TEAD4: variants seen among roughly 807,000 people sequenced by gnomAD.
The protein encoded by TEAD4 is transcriptional enhancer factor TEF-3.
A neutral mutation model predicts 52.4 loss-of-function variants in TEAD4; 36 were observed. The ratio of observed to expected loss-of-function variants is 0.69; its 90% CI spans 0.53 to 0.91. The LOEUF (loss-of-function observed/expected upper bound fraction) is 0.91, where lower values mean the gene tolerates loss of function less well. TEAD4 is among the 40% of genes least tolerant of loss of function. The pLI is 0.00. For synonymous variants in TEAD4, 220 were observed against 231.0 expected, an observed-to-expected ratio of 0.95 and a Z score of 0.43; for missense variants, 508 against 583.9, an observed-to-expected ratio of 0.87 and a Z score of 1.34.
intron 10 of TEAD4, among the ~76,000 whole-genome samples, chr12:3,025,677 C>T (rs1434311451): frequency 2.6e-5 from 4 of 152,098 alleles, no homozygotes; most frequent in Admixed American, 6.6e-5. Context: ...GCTGGGATTA[C>T]AGTCGTGTGC....
intron 2 of TEAD4, among the ~76,000 whole-genome samples, chr12:2,961,735 G>A (rs990764653): frequency 6.6e-6 from 1 of 152,226 alleles, no homozygotes; most frequent in African/African-American, 2.4e-5. Context: ...CCATAGGATA[G>A]CTGTTGTATC....
chr12:2,962,472 A>G (rs938463079), intron 2 of TEAD4, among the ~76,000 whole-genome samples: 1 of 151,436 alleles, frequency 6.6e-6, no homozygotes, highest in Non-Finnish European at 1.5e-5. Flanking sequence ...AGTAGCTAGA[A>G]TTATAGGCGT....
intron 10 of TEAD4, among the ~76,000 whole-genome samples, chr12:3,027,254 C>T (rs2098272647): frequency 1.3e-5 from 2 of 152,074 alleles, no homozygotes; most frequent in Admixed American, 1.3e-4. Context: ...GCGTGAGCCA[C>T]CACACCCAGC....
At chr12:3,013,378 C>CTCCTCCCGCGCATCCTT (rs1480653415) in intron 5 of TEAD4, among the ~76,000 whole-genome samples, 7 of 151,910 alleles carry the variant, frequency 4.6e-5, no homozygotes, top group African/African-American at 1.7e-4. Flanking sequence ...CAAAGCTCCT[C>CTCCTCCCGCGCATCCTT]TCCTCCCGCG....
chr12:2,997,651 G>A (rs370359078), intron 3 of TEAD4, among the ~76,000 whole-genome samples: 3 of 152,048 alleles, frequency 2.0e-5, no homozygotes, highest in Admixed American at 1.3e-4. Context: ...GCCGGAAAAC[G>A]AAAGTGTGCA....
chr12:3,037,880 C>A (rs559933614), intron 10 of TEAD4, 88 bp from the exon 11 acceptor site: 5 of 1,486,114 alleles, frequency 3.4e-6, no homozygotes, highest in Non-Finnish European at 3.6e-6. Flanking sequence ...GCCCTAGAGC[C>A]GGGACCGGGA....
chr12:2,995,135 C>T, intron 3 of TEAD4, 143 bp downstream of exon 3: 1 of 1,119,822 alleles, frequency 8.9e-7, no homozygotes, highest in East Asian at 2.6e-5. Context: ...CCCTCCTGGG[C>T]TCCCAAGGGA....
intron 2 of TEAD4, among the ~76,000 whole-genome samples, chr12:2,979,338 A>G (rs113871163): frequency 6.6e-6 from 1 of 152,160 alleles, no homozygotes; most frequent in Non-Finnish European, 1.5e-5. Context: ...GCCTTTTGAC[A>G]TTCTGTGCTC....
intron 4 of TEAD4, 52 bp downstream of exon 4, chr12:3,011,120 T>C (rs2153956613): frequency 6.2e-7 from 1 of 1,606,082 alleles, no homozygotes; most frequent in Non-Finnish European, 8.5e-7. Flanking sequence ...CCAGCACCAG[T>C]CTGCTCCCAA....
At chr12:2,976,013 T>G (rs1319501087) in intron 2 of TEAD4, among the ~76,000 whole-genome samples, 1 of 149,786 alleles carries the variant, frequency 6.7e-6, no homozygotes, top group East Asian at 2.0e-4. Context: ...AGCTCATTTT[T>G]TTTTTTTTTT....
chr12:3,015,008 C>G (rs1317811067), intron 5 of TEAD4, among the ~76,000 whole-genome samples: 2 of 152,184 alleles, frequency 1.3e-5, no homozygotes, highest in Non-Finnish European at 2.9e-5. Context: ...TTCCAAGTGT[C>G]CTGGGAGGAG....
Position 2,987,718 on chromosome 12 carries a change from A to G in TEAD4, c.-29-7020A>G, listed in dbSNP as rs925832024. Among the ~76,000 whole-genome samples the G allele has an allele frequency of 1.5e-3, 227 of 148,944 alleles. 2 individuals are homozygous for G. Among genetic ancestry groups the G allele is most frequent in the African/African-American group, 4.8e-3 (195 of 40,780 alleles). ...ATTACAGGCCTGAGCCACCGTGCCC[A>G]GCCTGGAATCAGCTTGTTAAGCTTT... On this transcript the variant is annotated intron_variant, in intron 2 of 12. Transcript: ENST00000359864.
At chr12:2,984,282 T>C (rs189247237) in intron 2 of TEAD4, among the ~76,000 whole-genome samples, 1 of 152,198 alleles carries the variant, frequency 6.6e-6, no homozygotes, top group African/African-American at 2.4e-5. Flanking sequence ...GCATTGAAAA[T>C]TTTTAGGTAG....
rs1252243357 is a variant in TEAD4 at position 3,021,997 on chromosome 12, T to A, written c.877T>A (p.Phe293Ile). 1 of 1,613,820 alleles carries A rather than the reference T, an allele frequency of 6.2e-7. No homozygotes were observed. The highest frequency in any genetic ancestry group is 8.5e-7 in the Non-Finnish European group (1 of 1,179,884). The change falls in exon 10 of 13, where the codon TTT becomes ATT. Residue 293 changes from phenylalanine to isoleucine, a missense_variant. Phe to Ile is a conservative substitution (Grantham distance 21). Coordinates refer to ENST00000359864, the MANE Select transcript of TEAD4 (RefSeq NM_003213.4). ...CTTCGAACGGGGACCCTCCAATGCC[T>A]TTTTTCTTGTGAAGTTCTGGGTAAG...
At chr12:2,984,277 G>C (rs1320500262) in intron 2 of TEAD4, among the ~76,000 whole-genome samples, 1 of 152,156 alleles carries the variant, frequency 6.6e-6, no homozygotes, top group Non-Finnish European at 1.5e-5. Flanking sequence ...AAAAGGCATT[G>C]AAAATTTTTA....
chr12:2,970,276 A>G (rs1235612648), intron 2 of TEAD4, among the ~76,000 whole-genome samples: 2 of 152,228 alleles, frequency 1.3e-5, no homozygotes, highest in Non-Finnish European at 2.9e-5. Context: ...TGTGTTCAGT[A>G]ACCACGTGGG....
At chr12:2,972,010 G>A (rs1489144380) in intron 2 of TEAD4, among the ~76,000 whole-genome samples, 4 of 151,148 alleles carry the variant, frequency 2.6e-5, no homozygotes, top group South Asian at 2.1e-4. Flanking sequence ...ATGGGGTTTT[G>A]CCATGTTGGT....
chr12:3,034,565 G>A (rs1276365161), intron 10 of TEAD4, among the ~76,000 whole-genome samples: 1 of 152,194 alleles, frequency 6.6e-6, no homozygotes, highest in Admixed American at 6.5e-5. Flanking sequence ...GCTGGGAGGT[G>A]TGGATGCCAG....
At chr12:3,006,968 G>T (rs58311519) in intron 3 of TEAD4, among the ~76,000 whole-genome samples, 4,278 of 152,220 alleles carry the variant, frequency 0.028, 189 homozygotes, top group African/African-American at 0.096. Flanking sequence ...GGAGGTTGCG[G>T]TAAGCCGAGA....
Sources: allele counts gnomAD v4.1 joint callset (sites outside exome capture counted in the v4.1 genomes callset), GRCh38; gene constraint gnomAD v4.1.1; transcripts MANE v1.5; gene names NCBI Gene and HGNC (gene_info 2026-07-23, HGNC 2026-07-21).